Variants in TBC1D16 observed in about 807,000 individuals in gnomAD.
The protein encoded by TBC1D16 is TBC1 domain family member 16, also known as CTD-2529O21.1.
A neutral mutation model predicts 74.7 loss-of-function variants in TBC1D16; 58 were observed. The ratio of observed to expected loss-of-function variants is 0.78; its 90% CI spans 0.63 to 0.97. The LOEUF is 0.97. Ranked by LOEUF, TBC1D16 falls within the 50% of genes least tolerant of loss-of-function variation. The probability of loss-of-function intolerance (pLI) is 0.00; values close to 1 mark genes in which losing one functional copy is unlikely to be tolerated. For missense variants in TBC1D16, 1,014 were observed against 1,079.5 expected, an observed-to-expected ratio of 0.94 and a Z score of 0.85; for synonymous variants, 493 against 474.7, an observed-to-expected ratio of 1.04 and a Z score of -0.50.
rs1031283825 is a variant in TBC1D16, at chr17:80,035,214, C to T, written c.-63+581G>A. Among the ~76,000 whole-genome samples, 1 of 148,018 alleles carries T rather than the reference C, an allele frequency of 6.8e-6. No individual in the cohort carries two copies. The highest frequency in any genetic ancestry group is 2.5e-5 in the African/African-American group (1 of 40,282). On this transcript the variant is annotated intron_variant, in intron 1 of 11. Transcript: ENST00000310924. This position sits in a 1 kb window ranked among gnomAD's most constrained non-coding sequence, Gnocchi z 5.3. ...TGCCTTTCCTTTTTTTCTTTCCTTC[C>T]TTTCGTTCTTTCTTTCTTTTTCTTT...
At position 79,932,367 on chromosome 17, in the gene TBC1D16, T is replaced by C. The variant is rs1007593778; in HGVS notation, c.*8492A>G. ...GTGACACTTATTATCCTTCAGTCTTTATTTTAAATAAGGCCCCTGTCCTTT... is the reference window on the plus strand; with the variant it reads ...GTGACACTTATTATCCTTCAGTCTTCATTTTAAATAAGGCCCCTGTCCTTT... On this transcript the variant is annotated 3_prime_UTR_variant, in exon 12 of 12. Transcript: ENST00000310924. 2 of 152,260 alleles carry C rather than the reference T, an allele frequency of 1.3e-5. No homozygotes were observed. Among genetic ancestry groups the C allele is most frequent in the African/African-American group, 4.8e-5 (2 of 41,474 alleles). 9.4% of individuals were successfully genotyped at this position (152,260 alleles called of 1,614,324 possible).
chr17:79,969,002 G>A (rs933406710), intron 3 of TBC1D16, among the ~76,000 whole-genome samples: 2 of 152,100 alleles, frequency 1.3e-5, no homozygotes, highest in African/African-American at 2.4e-5. Context: ...ATTTAAAAAT[G>A]GGCAAATAAT....
rs116202069 is a variant in TBC1D16, at chr17:80,007,399, T to C, written c.779+2761A>G. ...ACCCGTGAGGCATCTGCGTTTTGGATGTGGGAGGTAATGGCCACAAGATCA... is the reference window on the plus strand; with the variant it reads ...ACCCGTGAGGCATCTGCGTTTTGGACGTGGGAGGTAATGGCCACAAGATCA... On this transcript the variant is annotated intron_variant, in intron 3 of 11. Coordinates refer to ENST00000310924, the MANE Select transcript of TBC1D16 (RefSeq NM_019020.4). This position sits in a 1 kb window ranked among gnomAD's most constrained non-coding sequence, Gnocchi z 4.5. Among the ~76,000 whole-genome samples the C allele has an allele frequency of 0.013, 1,975 of 152,286 alleles. 17 individuals carry two copies. The highest frequency in any genetic ancestry group is 0.043 in the South Asian group (206 of 4,826).
chr17:79,948,795 C>T (rs188889414), intron 8 of TBC1D16, 77 bp downstream of exon 8: 3 of 1,587,804 alleles, frequency 1.9e-6, no homozygotes, highest in East Asian at 2.3e-5. Context: ...TCGCTGGGGG[C>T]TCATCCACTT....
chr17:80,027,875 C>T (rs55701908), intron 1 of TBC1D16, among the ~76,000 whole-genome samples: 36,795 of 125,204 alleles, frequency 0.29, 5,168 homozygotes, highest in Middle Eastern at 0.37. Flanking sequence ...CTGGGCAACA[C>T]GGCAAGACTC....
chr17:79,998,125 CAAAAAAAA>C (rs901486919), intron 3 of TBC1D16, among the ~76,000 whole-genome samples: 1 of 51,986 alleles, frequency 1.9e-5, no homozygotes, highest in African/African-American at 6.2e-5. Flanking sequence ...AACTCTGTCT[CAAAAAAAA>C]AAAAAAAAAA....
Position 79,937,712 on chromosome 17 carries a change from G to A in TBC1D16, c.*3147C>T, listed in dbSNP as rs2031709618. ...CCTCTGCACCTGGTGAGGACACCAGGCTCCTCGCTTCCTCCCCAGATCTCT... is the reference window on the plus strand; with the variant it reads ...CCTCTGCACCTGGTGAGGACACCAGACTCCTCGCTTCCTCCCCAGATCTCT... On this transcript the variant is annotated 3_prime_UTR_variant, in exon 12 of 12. Coordinates refer to ENST00000310924, the MANE Select transcript of TBC1D16 (RefSeq NM_019020.4). The A allele has an allele frequency of 6.6e-6, 1 of 152,270 alleles. No homozygotes were observed. The highest frequency in any genetic ancestry group is 2.1e-4 in the South Asian group (1 of 4,830). 9.4% of individuals were successfully genotyped at this position (152,270 alleles called of 1,614,324 possible). A position where few individuals can be genotyped will look rare whatever the true frequency, so the allele number is the denominator to read the frequency against.
In TBC1D16 at chr17:80,007,688, C is replaced by A. The variant is rs1371903232; in HGVS notation, c.779+2472G>T. ...CTGAGTCTCAAACATATAAGCTGGC[C>A]GGTTAGGAGAGAGGGGAAGGAGGAA... is the stretch of plus-strand genomic sequence containing the variant. On this transcript the variant is annotated intron_variant, in intron 3 of 11. Coordinates refer to ENST00000310924, the MANE Select transcript of TBC1D16 (RefSeq NM_019020.4). The surrounding 1 kb of genome is among the most constrained non-coding windows in gnomAD (Gnocchi z 4.5). 6.6e-6 allele frequency among the ~76,000 whole-genome samples: 1 copy of A among 152,006 alleles called. No individual in the cohort carries two copies. The highest frequency in any genetic ancestry group is 1.9e-4 in the East Asian group (1 of 5,182).
rs1678277976 is a variant in TBC1D16, at chr17:79,950,715, T to C, written c.1090-137A>G. 3 of 1,540,556 alleles carry C rather than the reference T, an allele frequency of 1.9e-6. No homozygotes were observed. In the African/African-American group the frequency reaches 4.1e-5, roughly 21 times the overall value. On this transcript the variant is annotated intron_variant, in intron 5 of 11. Transcript: ENST00000310924. This position sits in a 1 kb window ranked among gnomAD's most constrained non-coding sequence, Gnocchi z 4.6. ...GGGCCGTCCCCTGCATACAAACCCC[T>C]AAATGGCGAGTGTAATTAGGCGCAA...
rs1369739611 is a variant in TBC1D16, at chr17:80,009,890, T to C, written c.779+270A>G. The stretch of plus-strand genomic sequence containing the variant: ...CCCATCAGACCTGGTAGGGCCTGTT[T>C]AGTCCTAGTGAGTCTCAAGGAGAGA... On this transcript the variant is annotated intron_variant, in intron 3 of 11. Coordinates refer to ENST00000310924, the MANE Select transcript of TBC1D16 (RefSeq NM_019020.4). This position sits in a 1 kb window ranked among gnomAD's most constrained non-coding sequence, Gnocchi z 5.4. Among the ~76,000 whole-genome samples the C allele has an allele frequency of 6.6e-6, 1 of 152,150 alleles. No individual in the cohort carries two copies. The highest frequency in any genetic ancestry group is 1.5e-5 in the Non-Finnish European group (1 of 67,998).
rs2144340192 is a variant in TBC1D16, at chr17:79,983,740, G to A, written c.779+26420C>T. On this transcript the variant is annotated intron_variant, in intron 3 of 11. Transcript: ENST00000310924. This position sits in a 1 kb window ranked among gnomAD's most constrained non-coding sequence, Gnocchi z 5.6. The stretch of plus-strand genomic sequence containing the variant: ...ACTGGGGAGGAAGGAGTGGAGCACT[G>A]GCCTCCTAGGAAGCTCTAGTTCAGA... Among the ~76,000 whole-genome samples the A allele has an allele frequency of 6.6e-6, 1 of 152,168 alleles. No individual in the cohort carries two copies. The highest frequency in any genetic ancestry group is 1.5e-5 in the Non-Finnish European group (1 of 67,924).
At position 79,956,245 on chromosome 17, in the gene TBC1D16, GT is replaced by G. The variant is rs917928427; in HGVS notation, c.780-3428del. Among the ~76,000 whole-genome samples the G allele has an allele frequency of 6.6e-6, 1 of 152,144 alleles. No homozygotes were observed. Among genetic ancestry groups the G allele is most frequent in the African/African-American group, 2.4e-5 (1 of 41,428 alleles). ...CCAAAGGTCTGTGAGCAAAGAAGCG[GT>G]TTTTTGTTTGTTTGTTTGTTTTTTA... is the stretch of plus-strand genomic sequence containing the variant. On this transcript the variant is annotated intron_variant, in intron 3 of 11. Coordinates refer to ENST00000310924, the MANE Select transcript of TBC1D16 (RefSeq NM_019020.4). This position sits in a 1 kb window ranked among gnomAD's most constrained non-coding sequence, Gnocchi z 4.0.
chr17:80,033,449 T>G (rs1287802701), intron 1 of TBC1D16, among the ~76,000 whole-genome samples: 1 of 151,938 alleles, frequency 6.6e-6, no homozygotes, highest in East Asian at 1.9e-4. Flanking sequence ...CATGGCTCAC[T>G]GCAGCCCTGA....
In TBC1D16 at chr17:79,944,711, G is replaced by T. The variant is rs189144128; in HGVS notation, c.1908+197C>A. On this transcript the variant is annotated intron_variant, in intron 10 of 11. Coordinates refer to ENST00000310924, the MANE Select transcript of TBC1D16 (RefSeq NM_019020.4). The surrounding 1 kb of genome is among the most constrained non-coding windows in gnomAD (Gnocchi z 7.7). ...GTGCAGTCAGCGGGCAATTTGCATC[G>T]ATTTCAGTGACTGGGGAGGCGAGCT... Among the ~76,000 whole-genome samples the T allele has an allele frequency of 6.6e-6, 1 of 152,200 alleles. No individual in the cohort carries two copies.
chr17:79,994,900 G>C lies in TBC1D16; in HGVS notation c.779+15260C>G, dbSNP rs1481603409. Among the ~76,000 whole-genome samples the C allele has an allele frequency of 6.6e-6, 1 of 152,228 alleles. No homozygotes were observed. The highest frequency in any genetic ancestry group is 2.4e-5 in the African/African-American group (1 of 41,454). ...TGTAAAACACTTCCCATCGGCGGCC[G>C]TGTATACTGATCCCACATTGGAATG... On this transcript the variant is annotated intron_variant, in intron 3 of 11. Coordinates refer to ENST00000310924, the MANE Select transcript of TBC1D16 (RefSeq NM_019020.4). This position sits in a 1 kb window ranked among gnomAD's most constrained non-coding sequence, Gnocchi z 4.6.
At chr17:79,952,292 G>A (rs949219130) in intron 4 of TBC1D16, 1 of 195,414 alleles carries the variant, frequency 5.1e-6, no homozygotes, top group Non-Finnish European at 1.0e-5. Context: ...GGAAAGCTGC[G>A]GCCCGTCCCG....
At chr17:79,952,070 C>CG (rs751302200) in intron 4 of TBC1D16, 10 of 155,644 alleles carry the variant, frequency 6.4e-5, no homozygotes, top group Non-Finnish European at 8.5e-5. Context: ...AGCCCAGCCC[C>CG]GGCTGCCCTT....
chr17:79,947,617 T>A (rs368943963), intron 9 of TBC1D16, 28 bp downstream of exon 9: 2 of 1,611,772 alleles, frequency 1.2e-6, no homozygotes, highest in Admixed American at 1.7e-5. Context: ...CACATGCCCT[T>A]GGACGCACCC....
At chr17:79,946,306 T>C (rs2032531309) in intron 9 of TBC1D16, among the ~76,000 whole-genome samples, 1 of 152,228 alleles carries the variant, frequency 6.6e-6, no homozygotes, top group African/African-American at 2.4e-5. Flanking sequence ...ACCCCTCACA[T>C]GCTCAGTTCA....
Sources: gnomAD v4.1 joint callset for allele counts (sites outside exome capture counted in the v4.1 genomes callset) on GRCh38, gnomAD v4.1.1 for gene constraint, Gnocchi (gnomAD v3.1) non-coding constraint, MANE v1.5 for transcripts, NCBI Gene and HGNC (gene_info 2026-07-23, HGNC 2026-07-21) for gene names.